Variants in FBXO24 observed in about 807,000 individuals in gnomAD.
The protein encoded by FBXO24 is F-box protein 24.
A neutral mutation model predicts 63.5 loss-of-function variants in FBXO24; 30 were observed. The ratio of observed to expected loss-of-function variants is 0.47; its 90% confidence interval spans 0.35 to 0.64. The LOEUF (loss-of-function observed/expected upper bound fraction) is 0.64, where lower values mean the gene tolerates loss of function less well. Among genes scored for constraint, FBXO24 ranks in the 30% least tolerant of loss-of-function variants. FBXO24 has a pLI of 0.00. For missense variants in FBXO24, 624 were observed against 763.4 expected (o/e 0.82, Z 2.15); for synonymous variants, 300 against 305.0 (o/e 0.98, Z 0.17).
Position 100,600,737 on chromosome 7 carries a change from C to T in FBXO24, c.1581C>T (p.His527=), listed in dbSNP as rs766558891. The T allele has an allele frequency of 1.9e-6, 3 of 1,614,190 alleles. No homozygotes were observed. The Admixed American group carries it at 5.0e-5, about 27-fold the overall frequency. ...GCGAGGAGTACCTCAGCCAGATCCA[C>T]AGTTGCCAAACGTTGCAGGACCGCA... ...QACEEYLSQI[H]SCQTLQDRTE... Residue 527 remains histidine, a synonymous_variant, in exon 10 of 10, where the codon CAC becomes CAT. Coordinates refer to ENST00000241071, the MANE Select transcript of FBXO24 (RefSeq NM_033506.3). This position sits in a 1 kb window ranked among gnomAD's most constrained non-coding sequence, Gnocchi z 6.3.
In FBXO24 at chr7:100,594,493, C is replaced by G. The variant is rs776780277; in HGVS notation, c.904C>G (p.Arg302Gly). ...GGTGTCCCACTACCTGCCTCACCTGCGCGTGGCCTGCATGACTTCCAACCA... is the reference window on the plus strand; with the variant it reads ...GGTGTCCCACTACCTGCCTCACCTGGGCGTGGCCTGCATGACTTCCAACCA... ...RKVSHYLPHL[R>G]VACMTSNQSS... Residue 302 changes from arginine to glycine, a missense_variant, in exon 6 of 10, where the codon CGC becomes GGC. By Grantham distance (125) the Arg-to-Gly change is moderately radical. This residue lies in a region of FBXO24 where 391 missense variants were observed against 469.1 expected (regional missense o/e 0.83). Coordinates refer to ENST00000241071, the MANE Select transcript of FBXO24 (RefSeq NM_033506.3). This position sits in a 1 kb window ranked among gnomAD's most constrained non-coding sequence, Gnocchi z 4.2. 5.0e-6 allele frequency: 8 copies of G among 1,612,848 alleles called. No individual in the cohort carries two copies. The East Asian group carries it at 1.8e-4, about 36-fold the overall frequency.
chr7:100,598,478 A>G (rs1802416012), intron 8 of FBXO24, among the ~76,000 whole-genome samples: 1 of 152,136 alleles, frequency 6.6e-6, no homozygotes, highest in Admixed American at 6.6e-5. Flanking sequence ...CATGTCAGTA[A>G]TGTAATAGAG....
Position 100,586,664 on chromosome 7 carries a change from G to A in FBXO24, c.39G>A (p.Arg13=), listed in dbSNP as rs779968952. ...EKAVPLLRRR[R]VKRSCPSCGS... ...CGGTCCCTTTGCTAAGGAGGAGGCG[G>A]GTGAGCTAGAACTTTAAGACTGAGG... The change falls in exon 1 of 10, where the codon CGG becomes CGA. Residue 13 remains arginine, a splice_region_variant and synonymous_variant. Coordinates refer to ENST00000241071, the MANE Select transcript of FBXO24 (RefSeq NM_033506.3). The A allele has an allele frequency of 3.2e-5, 52 of 1,614,220 alleles. No homozygotes were observed. The highest frequency in any genetic ancestry group is 2.7e-4 in the Admixed American group (16 of 60,028).
intron 1 of FBXO24, among the ~76,000 whole-genome samples, chr7:100,588,584 T>C (rs987083587): frequency 6.6e-6 from 1 of 152,134 alleles, no homozygotes; most frequent in Non-Finnish European, 1.5e-5. Flanking sequence ...TTTGAGCCCC[T>C]GCAAGAGCCA....
intron 8 of FBXO24, among the ~76,000 whole-genome samples, chr7:100,597,895 T>G (rs939672290): frequency 1.4e-5 from 2 of 147,434 alleles, no homozygotes; most frequent in African/African-American, 4.9e-5. Context: ...TTTTTTTTGT[T>G]TTTTTTTTTT....
intron 4 of FBXO24, chr7:100,592,244 A>AG (rs965585408): frequency 7.6e-6 from 2 of 264,102 alleles, no homozygotes; most frequent in Non-Finnish European, 1.5e-5. Context: ...GGGCAACAAG[A>AG]GGGAGACTCC....
intron 8 of FBXO24, among the ~76,000 whole-genome samples, chr7:100,596,898 C>CA (rs1209110379): frequency 1.3e-5 from 2 of 152,006 alleles, no homozygotes; most frequent in African/African-American, 2.4e-5. Flanking sequence ...AAAAATTAGC[C>CA]AGGTGTGGTG....
Position 100,600,884 on chromosome 7 carries a change from A to C in FBXO24, c.1728A>C (p.Pro576=). The part of the protein sequence containing the change: ...AEGGGGGVGP[P]APET ...GAGGCGGGGGTGGTGTAGGGCCCCC[A>C]GCCCCTGAGACCTAATCCCCCTCAT... Residue 576 remains proline (P), a synonymous_variant, in exon 10 of 10, where the codon CCA becomes CCC. Transcript: ENST00000241071. This position sits in a 1 kb window ranked among gnomAD's most constrained non-coding sequence, Gnocchi z 6.3. 1 of 1,612,974 alleles carries C rather than the reference A, an allele frequency of 6.2e-7. No individual in the cohort carries two copies.
intron 1 of FBXO24, 72 bp downstream of exon 1, chr7:100,586,736 C>G (rs186546354): frequency 1.3e-6 from 2 of 1,556,150 alleles, no homozygotes; most frequent in Non-Finnish European, 1.8e-6. Context: ...CGCAGTTCGC[C>G]GCTGCAGTGG....
Position 100,600,536 on chromosome 7 carries a change from C to T in FBXO24, c.1380C>T (p.Val460=). ...SASFVKLQVK[V]PLCACALCAT... ...CCCCCTTTCTCTCCTCCTCCAAGGTCCCTCTGTGTGCCTGTGCCCTCTGTG... is the reference window on the plus strand; with the variant it reads ...CCCCCTTTCTCTCCTCCTCCAAGGTTCCTCTGTGTGCCTGTGCCCTCTGTG... Residue 460 remains valine (V), a splice_region_variant and synonymous_variant, in exon 10 of 10, where the codon GTC becomes GTT. Transcript: ENST00000241071. This position sits in a 1 kb window ranked among gnomAD's most constrained non-coding sequence, Gnocchi z 6.3. The T allele has an allele frequency of 6.5e-7, 1 of 1,548,608 alleles. No individual in the cohort carries two copies. The highest frequency in any genetic ancestry group is 1.3e-5 in the South Asian group (1 of 79,954).
intron 5 of FBXO24, among the ~76,000 whole-genome samples, chr7:100,593,339 T>C (rs1802123690): frequency 6.6e-6 from 1 of 151,710 alleles, no homozygotes; most frequent in South Asian, 2.1e-4. Context: ...TACTAAAAAA[T>C]ACAAAAATTA....
Position 100,601,044 on chromosome 7 carries a change from C to A in FBXO24, c.*145C>A. 2 of 1,259,226 alleles carry A rather than the reference C, an allele frequency of 1.6e-6. No homozygotes were observed. Among genetic ancestry groups the A allele is most frequent in the Non-Finnish European group, 2.1e-6 (2 of 934,128 alleles). 78.0% of individuals were successfully genotyped at this position (1,259,226 alleles called of 1,614,324 possible). On this transcript the variant is annotated 3_prime_UTR_variant, in exon 10 of 10. Coordinates refer to ENST00000241071, the MANE Select transcript of FBXO24 (RefSeq NM_033506.3). ...AACCAGGGTAAGAATGTTCAGGGGG[C>A]TGCCCAGGAGGGGCCCCCAACCTGA...
Position 100,594,572 on chromosome 7 carries a change from G to A in FBXO24, c.952+31G>A, listed in dbSNP as rs779616652. On this transcript the variant is annotated intron_variant, in intron 6 of 9. Coordinates refer to ENST00000241071, the MANE Select transcript of FBXO24 (RefSeq NM_033506.3). This position sits in a 1 kb window ranked among gnomAD's most constrained non-coding sequence, Gnocchi z 4.2. ...GACCACCTCCCCCCGGCTCAAGCCC[G>A]CAGCCTTGGTTAGACCCTCTAAACA... The A allele has an allele frequency of 7.9e-6, 12 of 1,527,496 alleles. No homozygotes were observed. Among genetic ancestry groups the A allele is most frequent in the East Asian group, 4.7e-5 (2 of 42,456 alleles). The allele number at this position is 1,527,496 out of a possible 1,614,324, so 94.6% of individuals were successfully genotyped here.
Position 100,590,213 on chromosome 7 carries a change from G to C in FBXO24, c.178G>C (p.Val60Leu). The C allele has an allele frequency of 1.2e-6, 2 of 1,614,106 alleles. No homozygotes were observed. Among genetic ancestry groups the C allele is most frequent in the Non-Finnish European group, 1.7e-6 (2 of 1,179,990 alleles). The change falls in exon 3 of 10, where the codon GTT (valine) becomes CTT (leucine). Residue 60 changes from valine to leucine, a missense_variant. By Grantham distance (32) the Val-to-Leu change is conservative. Coordinates refer to ENST00000241071, the MANE Select transcript of FBXO24 (RefSeq NM_033506.3). ...CTCATTCCTCCCAGTCAGAGACCTT[G>C]TTGCCCTCGGCCAGACCTGCCGCTA... Reference protein sequence around the residue: ...IISFLPVRDLVALGQTCRYFH... With the variant: ...IISFLPVRDLLALGQTCRYFH...
intron 8 of FBXO24, among the ~76,000 whole-genome samples, chr7:100,597,145 C>A (rs1022938304): frequency 1.8e-4 from 28 of 152,174 alleles, no homozygotes; most frequent in African/African-American, 6.8e-4. Context: ...GACTGAAAAG[C>A]AACTCTGAGA....
At chr7:100,596,763 G>A (rs1189516656) in intron 8 of FBXO24, among the ~76,000 whole-genome samples, 1 of 152,088 alleles carries the variant, frequency 6.6e-6, no homozygotes, top group Non-Finnish European at 1.5e-5. Flanking sequence ...AGGTGGCTCT[G>A]GAAGAAAGAT....
In FBXO24 at chr7:100,592,036, G is replaced by A. The variant is rs1258334745; in HGVS notation, c.558+134G>A. On this transcript the variant is annotated intron_variant, in intron 4 of 9. Transcript: ENST00000241071. ...AGCACTTTGGGAGGCTGAGGCAGGC[G>A]GATCAGCTGAGACCAGGAGTTCGAG... 45 of 844,454 alleles carry A rather than the reference G, an allele frequency of 5.3e-5. No homozygotes were observed. In the Admixed American group the frequency reaches 5.7e-4, roughly 11 times the overall value. 52.3% of individuals were successfully genotyped at this position (844,454 alleles called of 1,614,324 possible). A position where few individuals can be genotyped will look rare whatever the true frequency, so the allele number is the denominator to read the frequency against.
rs374971411 is a variant in FBXO24, at chr7:100,592,830, C to T, written c.606C>T (p.Tyr202=). 37 of 1,614,068 alleles carry T rather than the reference C, an allele frequency of 2.3e-5. No homozygotes were observed. The highest frequency in any genetic ancestry group is 1.5e-4 in the African/African-American group (11 of 74,924). The change falls in exon 5 of 10, where the codon TAC becomes TAT. Residue 202 remains tyrosine (Y), a synonymous_variant. Transcript: ENST00000241071. ...ACACAGTTTACCGTAAATACCTCTA[C>T]GTCTTGGCCACTCGGGAGCCGCAGG... ...RCDTVYRKYL[Y]VLATREPQEV... is the part of the protein sequence containing the mutation.
chr7:100,592,020 G>A (rs1802056130), intron 4 of FBXO24, 118 bp downstream of exon 4: 1 of 1,003,784 alleles, frequency 1.0e-6, no homozygotes, highest in Non-Finnish European at 1.5e-6. Flanking sequence ...TAGCACTTTG[G>A]GAGGCTGAGG....
Sources: gnomAD v4.1 joint callset for allele counts (sites outside exome capture counted in the v4.1 genomes callset) on GRCh38, gnomAD v4.1.1 for gene constraint, gnomAD v4.1.1 regional missense constraint, Gnocchi (gnomAD v3.1) non-coding constraint, MANE v1.5 for transcripts, NCBI Gene and HGNC (gene_info 2026-07-23, HGNC 2026-07-21) for gene names.